The following ANKRD36B variants were observed in gnomAD, a reference collection of about 807,000 sequenced individuals.
The protein encoded by ANKRD36B is ankyrin repeat domain 36B.
A neutral mutation model predicts 135.7 loss-of-function variants in ANKRD36B; 37 were observed. That is an observed-to-expected ratio of 0.27 (90% CI 0.21 to 0.36). The LOEUF is 0.36. ANKRD36B is among the 10% of genes least tolerant of loss of function. ANKRD36B has a pLI of 1.00. For synonymous variants in ANKRD36B, 179 were observed against 348.1 expected (o/e 0.51, Z 5.41); for missense variants, 549 against 1,037.1 (o/e 0.53, Z 6.46).
At chr2:97,572,229 C>A (rs1274554614) in intron 6 of ANKRD36B, among the ~76,000 whole-genome samples, 5 of 151,106 alleles carry the variant, frequency 3.3e-5, no homozygotes, top group Non-Finnish European at 5.9e-5. Context: ...CTGCAGTGAG[C>A]TATGATCACA....
chr2:97,547,843 C>A, intron 20 of ANKRD36B, 112 bp from the exon 21 acceptor site: 2 of 1,434,280 alleles, frequency 1.4e-6, no homozygotes, highest in Middle Eastern at 2.5e-4. Flanking sequence ...TTAGCATAGG[C>A]TTTGATGGCT....
At chr2:97,568,058 G>A (rs2081575182) in intron 6 of ANKRD36B, among the ~76,000 whole-genome samples, 1 of 152,100 alleles carries the variant, frequency 6.6e-6, no homozygotes, top group Non-Finnish European at 1.5e-5. Context: ...TTTTATTACA[G>A]TATATTGTTA....
chr2:97,582,767 A>AT (rs1033633808), intron 3 of ANKRD36B, among the ~76,000 whole-genome samples: 7 of 151,988 alleles, frequency 4.6e-5, no homozygotes, highest in Admixed American at 6.6e-5. Context: ...TTAGTTTCAG[A>AT]TTTTTTTTCC....
intron 20 of ANKRD36B, among the ~76,000 whole-genome samples, chr2:97,548,941 G>T (rs1410363758): frequency 6.6e-6 from 1 of 151,852 alleles, no homozygotes; most frequent in Admixed American, 6.6e-5. Flanking sequence ...ACACCTTCCT[G>T]CCTCACAATC....
rs531803561 is a variant in ANKRD36B at position 97,558,929 on chromosome 2, G to A, written c.894+37C>T. 8.3e-5 allele frequency: 134 copies of A among 1,606,390 alleles called. No homozygotes were observed. In the African/African-American group the frequency reaches 1.2e-3, roughly 14 times the overall value. ...GTAAAGTAGGTTTCATAGACTATAC[G>A]GTTAATAGTTCAACATATAAATGAG... On this transcript the variant is annotated intron_variant, in intron 9 of 43. Coordinates refer to ENST00000359901, the MANE Select transcript of ANKRD36B (RefSeq NM_001393939.1).
rs1464696779 is a variant in ANKRD36B, at chr2:97,535,885, G to T, written c.2191+415C>A. ...GCTCAAGACCAGCCTGACCAACATG[G>T]AGAAAGCCTGTCTCTACTAAAAATA... On this transcript the variant is annotated intron_variant, in intron 34 of 43. Transcript: ENST00000359901. Among the ~76,000 whole-genome samples, 5 of 92,508 alleles carry T rather than the reference G, an allele frequency of 5.4e-5. 1 individual carries two copies. The highest frequency in any genetic ancestry group is 1.3e-4 in the African/African-American group (4 of 31,236). 60.7% of individuals were successfully genotyped at this position (92,508 alleles called of 152,430 possible). A position where few individuals can be genotyped will look rare whatever the true frequency, so the allele number is the denominator to read the frequency against.
intron 12 of ANKRD36B, among the ~76,000 whole-genome samples, chr2:97,555,542 T>A (rs543651348): frequency 5.3e-4 from 80 of 152,018 alleles, no homozygotes; most frequent in African/African-American, 1.8e-3. Flanking sequence ...TGAGGACAAA[T>A]GTGATCTAAA....
intron 10 of ANKRD36B, 107 bp from the exon 11 acceptor site, chr2:97,557,239 G>A: frequency 2.7e-6 from 4 of 1,457,100 alleles, no homozygotes; most frequent in Non-Finnish European, 3.7e-6. Flanking sequence ...CTGCACTAGT[G>A]TAGGATTTGA....
intron 35 of ANKRD36B, among the ~76,000 whole-genome samples, chr2:97,528,211 C>T (rs2078330551): frequency 1.0e-5 from 1 of 96,290 alleles, no homozygotes; most frequent in Admixed American, 9.2e-5. Flanking sequence ...GTCTGTCAGA[C>T]CACAGTGCAA....
intron 8 of ANKRD36B, among the ~76,000 whole-genome samples, chr2:97,559,226 T>A (rs1203879418): frequency 6.6e-6 from 1 of 151,820 alleles, no homozygotes; most frequent in African/African-American, 2.4e-5. Flanking sequence ...TGATTCGTGA[T>A]ACATCTAAAA....
At chr2:97,560,300 T>G (rs2080902602) in intron 8 of ANKRD36B, among the ~76,000 whole-genome samples, 1 of 151,938 alleles carries the variant, frequency 6.6e-6, no homozygotes, top group Non-Finnish European at 1.5e-5. Flanking sequence ...CCTCTGTTGA[T>G]AACAATATGA....
intron 37 of ANKRD36B, among the ~76,000 whole-genome samples, chr2:97,514,903 ATTT>A (rs1290812182): frequency 1.4e-5 from 1 of 69,738 alleles, no homozygotes; most frequent in African/African-American, 4.4e-5. Context: ...AACTGGATAC[ATTT>A]TTTTTTTTTT....
chr2:97,551,909 C>G (rs2080104466), intron 16 of ANKRD36B, among the ~76,000 whole-genome samples: 1 of 151,946 alleles, frequency 6.6e-6, no homozygotes, highest in Non-Finnish European at 1.5e-5. Flanking sequence ...GCATCATGCT[C>G]TTTAACTTGC....
At chr2:97,574,334 G>GTGAGA (rs1452264049) in intron 6 of ANKRD36B, among the ~76,000 whole-genome samples, 2 of 152,032 alleles carry the variant, frequency 1.3e-5, no homozygotes, top group African/African-American at 4.8e-5. Context: ...CAAAACCACA[G>GTGAGA]TGAGATACCA....
At chr2:97,546,187 C>T (rs1242285103) in intron 22 of ANKRD36B, among the ~76,000 whole-genome samples, 4 of 151,714 alleles carry the variant, frequency 2.6e-5, no homozygotes, top group East Asian at 1.9e-4. Context: ...AACTCATACA[C>T]GTGAGAATCA....
At position 97,496,770 on chromosome 2, in the gene ANKRD36B, C is replaced by CGT. The variant is rs111937140; in HGVS notation, c.*7-3917_*7-3916dup. On this transcript the variant is annotated intron_variant, in intron 43 of 43. Coordinates refer to ENST00000359901, the MANE Select transcript of ANKRD36B (RefSeq NM_001393939.1). Reference sequence around the variant, plus strand: ...CTGTTGAGACCTATTGTCCAGAAAACGTGTGTGTGTGTGTGTTTGTGTGTG... The same window carrying CGT: ...CTGTTGAGACCTATTGTCCAGAAAACGTGTGTGTGTGTGTGTGTTTGTGTGTG... 5.5e-3 allele frequency among the ~76,000 whole-genome samples: 406 copies of CGT among 73,614 alleles called. 8 individuals carry two copies. The highest frequency in any genetic ancestry group is 0.01 in the African/African-American group (187 of 18,348). The allele number at this position is 73,614 out of a possible 152,430, so 48.3% of individuals were successfully genotyped here.
Position 97,532,347 on chromosome 2 carries a change from T to G in ANKRD36B, c.2229A>C (p.Gln743His), listed in dbSNP as rs1260627322. ...TATTTTCATATTCTTCAAGCCTCTT[T>G]TGCTCTCCCTCTGATGCCATTTCTA... Reference protein sequence around the residue: ...QDLEMASEGEQKRLEEYENNQ... With the variant: ...QDLEMASEGEHKRLEEYENNQ... The change falls in exon 35 of 44, where the codon CAA becomes CAC. Residue 743 changes from glutamine to histidine, a missense_variant. By Grantham distance (24) the Gln-to-His change is conservative. Transcript: ENST00000359901. 1.2e-6 allele frequency: 1 copy of G among 814,558 alleles called. No individual in the cohort carries two copies. The highest frequency in any genetic ancestry group is 2.8e-5 in the East Asian group (1 of 35,564). 50.5% of individuals were successfully genotyped at this position (814,558 alleles called of 1,614,324 possible).
chr2:97,543,078 A>T (rs2079227189), intron 26 of ANKRD36B, among the ~76,000 whole-genome samples: 5 of 152,126 alleles, frequency 3.3e-5, no homozygotes, highest in Admixed American at 3.3e-4. Flanking sequence ...TCTAATTTCT[A>T]TAACTAAAAT....
At position 97,532,060 on chromosome 2, in the gene ANKRD36B, T is replaced by C. The variant is rs554735540; in HGVS notation, c.2265+251A>G. Among the ~76,000 whole-genome samples, 100 of 96,684 alleles carry C rather than the reference T, an allele frequency of 1.0e-3. 28 individuals carry two copies. Among genetic ancestry groups the C allele is most frequent in the African/African-American group, 3.0e-3 (96 of 32,406 alleles). The allele number at this position is 96,684 out of a possible 152,430, so 63.4% of individuals were successfully genotyped here. A position where few individuals can be genotyped will look rare whatever the true frequency, so the allele number is the denominator to read the frequency against. ...CCTTCTTTATTATAATAGGAAGTTA[T>C]AAAAATAGAAGTGCAAACAATATCA... is the stretch of plus-strand genomic sequence containing the variant. On this transcript the variant is annotated intron_variant, in intron 35 of 43. Transcript: ENST00000359901.
Sources: allele counts gnomAD v4.1 joint callset (sites outside exome capture counted in the v4.1 genomes callset), GRCh38; gene constraint gnomAD v4.1.1; transcripts MANE v1.5; gene names NCBI Gene and HGNC (gene_info 2026-07-23, HGNC 2026-07-21).